The following PRKN variants were observed in gnomAD, a reference collection of about 807,000 sequenced individuals.
PRKN encodes the protein parkin RBR E3 ubiquitin protein ligase.
PRKN carries 56 observed loss-of-function variants against 59.5 expected under a neutral mutation model. The ratio of observed to expected loss-of-function variants is 0.94; its 90% CI spans 0.76 to 1.18. The LOEUF (loss-of-function observed/expected upper bound fraction) is 1.18. Among genes scored for constraint, PRKN ranks in the 50% most tolerant of loss-of-function variants. PRKN has a pLI of 0.00. For missense variants in PRKN, 657 were observed against 596.4 expected (o/e 1.10, Z -1.06); for synonymous variants, 250 against 222.1 (o/e 1.13, Z -1.12).
chr6:161,663,926 C>T (rs1446290441), intron 7 of PRKN, among the ~76,000 whole-genome samples: 4 of 152,166 alleles, frequency 2.6e-5, no homozygotes, highest in Non-Finnish European at 4.4e-5. Flanking sequence ...TGGCTCCGCC[C>T]CTAGCTGGCC....
In PRKN at chr6:161,454,510, C is replaced by T. The variant is rs1418649950; in HGVS notation, c.1084-67633G>A. On this transcript the variant is annotated intron_variant, in intron 9 of 11. Coordinates refer to ENST00000366898, the MANE Select transcript of PRKN (RefSeq NM_004562.3). This position sits in a 1 kb window ranked among gnomAD's most constrained non-coding sequence, Gnocchi z 4.6. Reference sequence around the variant, plus strand: ...TTCCAGGTTCTAAGCTTGGTCTATGCTTTTGGTGTGCTCTCTAACTCAATG... The same window carrying T: ...TTCCAGGTTCTAAGCTTGGTCTATGTTTTTGGTGTGCTCTCTAACTCAATG... Among the ~76,000 whole-genome samples, 1 of 152,136 alleles carries T rather than the reference C, an allele frequency of 6.6e-6. No homozygotes were observed. Among genetic ancestry groups the T allele is most frequent in the East Asian group, 1.9e-4 (1 of 5,190 alleles).
rs1790048836 is a variant in PRKN at position 161,457,994 on chromosome 6, T to C, written c.1084-71117A>G. 6.6e-6 allele frequency among the ~76,000 whole-genome samples: 1 copy of C among 152,190 alleles called. No individual in the cohort carries two copies. The highest frequency in any genetic ancestry group is 2.4e-5 in the African/African-American group (1 of 41,440). On this transcript the variant is annotated intron_variant, in intron 9 of 11. Transcript: ENST00000366898. The surrounding 1 kb of genome is among the most constrained non-coding windows in gnomAD (Gnocchi z 5.0). ...ACAAGCTGAACTGTCATGCAGACAA[T>C]GACCGCCTTCTGATTTACTTGGGCT...
chr6:161,850,361 C>A (rs984722112), intron 6 of PRKN, among the ~76,000 whole-genome samples: 1 of 151,992 alleles, frequency 6.6e-6, no homozygotes, highest in Non-Finnish European at 1.5e-5. Context: ...GCGTGGATCA[C>A]GAGGTCAAGA....
At chr6:161,449,399 A>G (rs962055101) in intron 9 of PRKN, among the ~76,000 whole-genome samples, 1 of 152,292 alleles carries the variant, frequency 6.6e-6, no homozygotes, top group Non-Finnish European at 1.5e-5. Context: ...TTTCTCATCT[A>G]TCCGTATGTA....
intron 9 of PRKN, among the ~76,000 whole-genome samples, chr6:161,515,004 A>G (rs952828264): frequency 4.6e-5 from 7 of 151,698 alleles, no homozygotes; most frequent in African/African-American, 1.7e-4. Context: ...GCCAGGGGGA[A>G]TATCTTCATC....
chr6:161,380,426 CTTTTTTT>C lies in PRKN; in HGVS notation c.1167+6361_1167+6367del, dbSNP rs977152868. ...GGCCAAGTCCAAAGTCCAAGTCTAT[CTTTTTTT>C]TTTTTTTTTTTTTTTGGAGACAGAG... On this transcript the variant is annotated intron_variant, in intron 10 of 11. Coordinates refer to ENST00000366898, the MANE Select transcript of PRKN (RefSeq NM_004562.3). Among the ~76,000 whole-genome samples, 5 of 117,958 alleles carry C rather than the reference CTTTTTTT, an allele frequency of 4.2e-5. No individual in the cohort carries two copies. In the South Asian group the frequency reaches 8.2e-4, roughly 19 times the overall value. 77.4% of individuals were successfully genotyped at this position (117,958 alleles called of 152,430 possible). A position where few individuals can be genotyped will look rare whatever the true frequency, so the allele number is the denominator to read the frequency against.
At chr6:162,613,077 T>C (rs930207762) in intron 1 of PRKN, among the ~76,000 whole-genome samples, 1 of 152,220 alleles carries the variant, frequency 6.6e-6, no homozygotes, top group Non-Finnish European at 1.5e-5. Flanking sequence ...ACTATCATTA[T>C]TATTTCCACT....
chr6:162,164,809 T>G lies in PRKN; in HGVS notation c.534+36322A>C, dbSNP rs1249575786. Among the ~76,000 whole-genome samples, 3 of 148,636 alleles carry G rather than the reference T, an allele frequency of 2.0e-5. 1 individual carries two copies. Among genetic ancestry groups the G allele is most frequent in the Non-Finnish European group, 4.5e-5 (3 of 67,370 alleles). On this transcript the variant is annotated intron_variant, in intron 4 of 11. Coordinates refer to ENST00000366898, the MANE Select transcript of PRKN (RefSeq NM_004562.3). ...TCTAAATCTAAAATTTTCTACCAAG[T>G]TTACTAGGACACTAGAGGCCTATTT...
intron 9 of PRKN, among the ~76,000 whole-genome samples, chr6:161,422,451 G>A (rs1201396270): frequency 2.0e-5 from 3 of 151,962 alleles, no homozygotes; most frequent in African/African-American, 7.3e-5. Flanking sequence ...CACCTGCCTC[G>A]GCCTCCCAAA....
intron 1 of PRKN, among the ~76,000 whole-genome samples, chr6:162,464,888 T>A (rs1791346991): frequency 7.0e-6 from 1 of 142,482 alleles, no homozygotes; most frequent in African/African-American, 2.4e-5. Flanking sequence ...ATACAAGTTT[T>A]AAGAGCCCCC....
At chr6:161,763,022 GT>G (rs1208860760) in intron 7 of PRKN, among the ~76,000 whole-genome samples, 7 of 152,168 alleles carry the variant, frequency 4.6e-5, no homozygotes, top group Non-Finnish European at 8.8e-5. Flanking sequence ...ATAGATGACA[GT>G]TTCTTAAGAT....
intron 2 of PRKN, among the ~76,000 whole-genome samples, chr6:162,384,160 G>C (rs1309232127): frequency 6.6e-6 from 1 of 152,062 alleles, no homozygotes; most frequent in Admixed American, 6.5e-5. Context: ...TTTTTCCTTT[G>C]CATTCACAAA....
chr6:161,443,208 G>C (rs1186666846), intron 9 of PRKN, among the ~76,000 whole-genome samples: 1 of 151,952 alleles, frequency 6.6e-6, no homozygotes, highest in Non-Finnish European at 1.5e-5. Flanking sequence ...TACTTGGGAG[G>C]CTGAGGCAGG....
At chr6:161,924,278 C>A (rs1278473218) in intron 6 of PRKN, among the ~76,000 whole-genome samples, 1 of 152,194 alleles carries the variant, frequency 6.6e-6, no homozygotes, top group Non-Finnish European at 1.5e-5. Context: ...ACCTCACACA[C>A]TCCAGGAAGG....
At chr6:162,194,578 C>A (rs565467707) in intron 4 of PRKN, among the ~76,000 whole-genome samples, 1 of 152,064 alleles carries the variant, frequency 6.6e-6, no homozygotes, top group East Asian at 1.9e-4. Flanking sequence ...TTTAAGGAGA[C>A]CCCTTTACAT....
At chr6:162,127,938 A>T (rs925033356) in intron 4 of PRKN, among the ~76,000 whole-genome samples, 4 of 152,120 alleles carry the variant, frequency 2.6e-5, no homozygotes, top group Non-Finnish European at 5.9e-5. Context: ...TCACCTCTTC[A>T]CACTATTTCT....
chr6:161,390,318 G>T lies in PRKN; in HGVS notation c.1084-3441C>A, dbSNP rs2114953102. Among the ~76,000 whole-genome samples, 1 of 152,308 alleles carries T rather than the reference G, an allele frequency of 6.6e-6. No homozygotes were observed. Among genetic ancestry groups the T allele is most frequent in the Admixed American group, 6.5e-5 (1 of 15,292 alleles). ...AGAATTTTAAGTAAAACACAGCATG[G>T]CTATTGAACACTATGTGATTTATTA... is the stretch of plus-strand genomic sequence containing the variant. On this transcript the variant is annotated intron_variant, in intron 9 of 11. Transcript: ENST00000366898. This position sits in a 1 kb window ranked among gnomAD's most constrained non-coding sequence, Gnocchi z 7.0.
intron 4 of PRKN, among the ~76,000 whole-genome samples, chr6:162,103,376 T>A (rs1317291659): frequency 1.3e-5 from 2 of 152,110 alleles, no homozygotes; most frequent in Non-Finnish European, 2.9e-5. Flanking sequence ...TGGTTTATCA[T>A]CTGAAAAATC....
chr6:162,251,297 G>C lies in PRKN; in HGVS notation c.412+11228C>G, dbSNP rs928137950. 2.6e-5 allele frequency among the ~76,000 whole-genome samples: 4 copies of C among 152,146 alleles called. No individual in the cohort carries two copies. The East Asian group carries it at 7.7e-4, about 29-fold the overall frequency. On this transcript the variant is annotated intron_variant, in intron 3 of 11. Coordinates refer to ENST00000366898, the MANE Select transcript of PRKN (RefSeq NM_004562.3). ...AGGATCAGGAGACAGGAAAACACTA[G>C]TACATGAAGTGTTAAAACTGGCTGC...
Sources: allele counts gnomAD v4.1 joint callset (sites outside exome capture counted in the v4.1 genomes callset), GRCh38; gene constraint gnomAD v4.1.1; non-coding constraint Gnocchi (gnomAD v3.1); transcripts MANE v1.5; gene names NCBI Gene and HGNC (gene_info 2026-07-23, HGNC 2026-07-21).